Variants in DNM3 observed in about 807,000 individuals in gnomAD.
DNM3 encodes the protein dynamin 3.
Under a neutral mutation model 101.6 loss-of-function variants are expected in DNM3, and 47 were observed. The observed-to-expected ratio is 0.46, with a 90% CI of 0.37 to 0.59. DNM3 has a LOEUF of 0.59. Among genes scored for constraint, DNM3 ranks in the 20% least tolerant of loss-of-function variants. The pLI, the probability that DNM3 is intolerant of heterozygous loss-of-function variation, is 0.00. For missense variants in DNM3, 849 were observed against 1,085.7 expected (o/e 0.78, Z 3.06); for synonymous variants, 385 against 387.9 (o/e 0.99, Z 0.09).
chr1:172,184,383 T>C (rs2059451818), intron 14 of DNM3, among the ~76,000 whole-genome samples: 1 of 152,124 alleles, frequency 6.6e-6, no homozygotes, highest in Non-Finnish European at 1.5e-5. Flanking sequence ...ATAAAACCCA[T>C]CTGCAGAGAC....
At chr1:171,973,503 G>A (rs2044160780) in intron 2 of DNM3, among the ~76,000 whole-genome samples, 2 of 152,018 alleles carry the variant, frequency 1.3e-5, no homozygotes, top group South Asian at 4.1e-4. Context: ...GTTACTGGGA[G>A]AATTTTGGTG....
rs536955995 is a variant in DNM3, at chr1:171,926,272, G to C, written c.235+4451G>C. Among the ~76,000 whole-genome samples the C allele has an allele frequency of 6.6e-5, 10 of 152,168 alleles. No homozygotes were observed. The South Asian group carries it at 2.1e-3, about 32-fold the overall frequency. ...GAAAGATGATGTTGGTAATTTGATA[G>C]GAATTGCATAGAATCTGTAGATTGC... On this transcript the variant is annotated intron_variant, in intron 2 of 20. Transcript: ENST00000627582.
chr1:171,899,232 A>G (rs1198826921), intron 1 of DNM3, among the ~76,000 whole-genome samples: 2 of 152,172 alleles, frequency 1.3e-5, no homozygotes, highest in South Asian at 2.1e-4. Context: ...AAGCAGCACT[A>G]CACACTGGAT....
chr1:172,361,962 C>T (rs2067765347), intron 17 of DNM3, among the ~76,000 whole-genome samples: 1 of 151,902 alleles, frequency 6.6e-6, no homozygotes, highest in African/African-American at 2.4e-5. Context: ...GTTGACTAGC[C>T]AATCACCTGC....
At chr1:171,842,963 G>T (rs1256793768) in intron 1 of DNM3, among the ~76,000 whole-genome samples, 1 of 152,180 alleles carries the variant, frequency 6.6e-6, no homozygotes, top group African/African-American at 2.4e-5. Context: ...AAAAAATGCT[G>T]GCGAGATTGT....
chr1:172,322,853 A>G (rs1380798547), intron 16 of DNM3, among the ~76,000 whole-genome samples: 8 of 151,116 alleles, frequency 5.3e-5, no homozygotes, highest in Admixed American at 4.6e-4. Flanking sequence ...CTTTGAAACC[A>G]AGGATGCAGT....
At chr1:171,873,945 T>C (rs1402642261) in intron 1 of DNM3, among the ~76,000 whole-genome samples, 1 of 152,204 alleles carries the variant, frequency 6.6e-6, no homozygotes, top group Non-Finnish European at 1.5e-5. Context: ...CAGTGAGTGG[T>C]TTCTATTTTT....
intron 16 of DNM3, among the ~76,000 whole-genome samples, chr1:172,317,605 C>G (rs557271521): frequency 6.6e-6 from 1 of 152,010 alleles, no homozygotes; most frequent in Non-Finnish European, 1.5e-5. Context: ...AGAATACTAC[C>G]AACACCTCTA....
At chr1:172,013,141 CCAGTGTACG>C (rs2047232857) in intron 4 of DNM3, among the ~76,000 whole-genome samples, 1 of 151,654 alleles carries the variant, frequency 6.6e-6, no homozygotes, top group Admixed American at 6.6e-5. Context: ...TGTTGTTGTT[CCAGTGTACG>C]CAGTGTTCCA....
At chr1:171,940,111 C>T (rs892090316) in intron 2 of DNM3, among the ~76,000 whole-genome samples, 22 of 152,080 alleles carry the variant, frequency 1.4e-4, no homozygotes, top group African/African-American at 3.6e-4. Flanking sequence ...TAAGAACAGA[C>T]GATAATTGGG....
rs531758198 is a variant in DNM3, at chr1:171,930,078, A to C, written c.235+8257A>C. Among the ~76,000 whole-genome samples, 62 of 152,010 alleles carry C rather than the reference A, an allele frequency of 4.1e-4. 1 individual carries two copies. In the South Asian group the frequency reaches 0.011, roughly 28 times the overall value. Reference sequence around the variant, plus strand: ...GTTCCACCTGGTAAATAGGAACAGGATCAGGGACCAGGTTGCTTAGAAAAG... The same window carrying C: ...GTTCCACCTGGTAAATAGGAACAGGCTCAGGGACCAGGTTGCTTAGAAAAG... On this transcript the variant is annotated intron_variant, in intron 2 of 20. Transcript: ENST00000627582.
intron 17 of DNM3, among the ~76,000 whole-genome samples, chr1:172,327,344 G>A (rs1558000886): frequency 6.6e-6 from 1 of 152,038 alleles, no homozygotes; most frequent in Non-Finnish European, 1.5e-5. Flanking sequence ...CAAGTCAAAT[G>A]GCACCAAAGT....
intron 1 of DNM3, among the ~76,000 whole-genome samples, chr1:171,842,636 T>A (rs1403265038): frequency 6.6e-6 from 1 of 152,108 alleles, no homozygotes; most frequent in East Asian, 1.9e-4. Context: ...GCACTCTCTC[T>A]GCGCCCCCTC....
At chr1:172,111,224 C>A (rs1373158653) in intron 13 of DNM3, among the ~76,000 whole-genome samples, 3 of 152,180 alleles carry the variant, frequency 2.0e-5, no homozygotes, top group Admixed American at 6.5e-5. Context: ...CCTTTATCAT[C>A]CTTGACCTCC....
chr1:171,868,291 A>G (rs1023139197), intron 1 of DNM3, among the ~76,000 whole-genome samples: 1 of 151,316 alleles, frequency 6.6e-6, no homozygotes, highest in African/African-American at 2.4e-5. Flanking sequence ...CCTGGGTCCT[A>G]CCCTCCCTGA....
intron 2 of DNM3, among the ~76,000 whole-genome samples, chr1:171,940,424 T>C (rs2041735246): frequency 6.6e-6 from 1 of 152,188 alleles, no homozygotes; most frequent in South Asian, 2.1e-4. Flanking sequence ...ATGTTTCAGT[T>C]GTTTTCCTGT....
At chr1:172,199,353 G>A (rs544481729) in intron 14 of DNM3, among the ~76,000 whole-genome samples, 1 of 152,136 alleles carries the variant, frequency 6.6e-6, no homozygotes, top group East Asian at 1.9e-4. Flanking sequence ...TAGAGTACAT[G>A]CCCTGTAGCA....
chr1:172,081,795 A>G lies in DNM3; in HGVS notation c.1423-37A>G, dbSNP rs528600169. On this transcript the variant is annotated intron_variant, in intron 11 of 20. Transcript: ENST00000627582. ...GAATTTAATGTTTGAGAATTTTTAG[A>G]TGGGTTTTCACTGAAGTGTTTCTCT... The G allele has an allele frequency of 2.1e-5, 32 of 1,545,260 alleles. No individual in the cohort carries two copies. The South Asian group carries it at 3.4e-4, about 16-fold the overall frequency.
intron 16 of DNM3, among the ~76,000 whole-genome samples, chr1:172,314,029 C>A (rs1256051309): frequency 6.6e-6 from 1 of 151,590 alleles, no homozygotes; most frequent in East Asian, 1.9e-4. Context: ...TTAGTTCAAC[C>A]ATTGTGGAAT....
Sources: gnomAD v4.1 joint callset for allele counts (sites outside exome capture counted in the v4.1 genomes callset) on GRCh38, gnomAD v4.1.1 for gene constraint, MANE v1.5 for transcripts, NCBI Gene and HGNC (gene_info 2026-07-23, HGNC 2026-07-21) for gene names.